The following SEPTIN2 variants were observed in gnomAD, a reference collection of about 807,000 sequenced individuals.
SEPTIN2 encodes the protein septin-2.
In SEPTIN2, 34 loss-of-function variants were observed where a neutral mutation model predicts 46.5. That is an observed-to-expected ratio of 0.73 (90% CI 0.56 to 0.97). The LOEUF is 0.97. Ranked by LOEUF, SEPTIN2 falls within the 50% of genes least tolerant of loss-of-function variation. The pLI, the probability that SEPTIN2 is intolerant of heterozygous loss-of-function variation, is 0.00. For synonymous variants in SEPTIN2, 175 were observed against 153.4 expected, an observed-to-expected ratio of 1.14 and a Z score of -1.04; for missense variants, 347 against 448.4, an observed-to-expected ratio of 0.77 and a Z score of 2.04.
chr2:241,345,564 C>T (rs2081908720), intron 9 of SEPTIN2, among the ~76,000 whole-genome samples: 2 of 152,132 alleles, frequency 1.3e-5, no homozygotes, highest in Non-Finnish European at 1.5e-5. Flanking sequence ...CTCATTCTTG[C>T]CTGCTTTTAA....
At chr2:241,316,190 A>G (rs1350941554) in intron 1 of SEPTIN2, 2 of 293,160 alleles carry the variant, frequency 6.8e-6, no homozygotes, top group African/African-American at 2.2e-5. Context: ...AGTGCCGGCG[A>G]CAGTGGCTCC....
Position 241,352,943 on chromosome 2 carries a change from A to T in SEPTIN2, c.*1006A>T, listed in dbSNP as rs2060888841. 1 of 152,224 alleles carries T rather than the reference A, an allele frequency of 6.6e-6. No homozygotes were observed. The highest frequency in any genetic ancestry group is 2.4e-5 in the African/African-American group (1 of 41,438). The allele number at this position is 152,224 out of a possible 1,614,324, so 9.4% of individuals were successfully genotyped here. ...TAGAAGATCTGCCTCCCCTGTGGAA[A>T]TTGGGGTCTGTTGGTGGGCGTGCCC... is the stretch of plus-strand genomic sequence containing the variant. On this transcript the variant is annotated 3_prime_UTR_variant, in exon 13 of 13. Coordinates refer to ENST00000391971, the MANE Select transcript of SEPTIN2 (RefSeq NM_004404.5).
At chr2:241,316,416 C>T (rs563264163) in intron 1 of SEPTIN2, 25 of 1,124,858 alleles carry the variant, frequency 2.2e-5, no homozygotes, top group Admixed American at 6.5e-5. Context: ...CCATTTCCTC[C>T]CTGAGGCGTG....
At chr2:241,335,540 A>AG (rs1381326324) in intron 4 of SEPTIN2, 4 of 639,222 alleles carry the variant, frequency 6.3e-6, no homozygotes, top group African/African-American at 1.8e-5. Context: ...GAAGATTACT[A>AG]GGATAGATGT....
chr2:241,316,449 C>G (rs1575095195), intron 1 of SEPTIN2: 1 of 1,458,756 alleles, frequency 6.9e-7, no homozygotes, highest in East Asian at 2.7e-5. Flanking sequence ...GCCCCCAAAC[C>G]TCCAAGCCCA....
chr2:241,318,862 TA>T (rs1405912030), intron 1 of SEPTIN2, among the ~76,000 whole-genome samples: 1 of 152,098 alleles, frequency 6.6e-6, no homozygotes, highest in East Asian at 1.9e-4. Flanking sequence ...CACACCTGGC[TA>T]ATTTTTGTAT....
chr2:241,338,826 TATA>T (rs1442878478), intron 7 of SEPTIN2, among the ~76,000 whole-genome samples: 2 of 97,832 alleles, frequency 2.0e-5, no homozygotes, highest in Admixed American at 1.6e-4. Flanking sequence ...ATTATTTATA[TATA>T]ATATATATAA....
chr2:241,354,027 A>G lies in SEPTIN2; in HGVS notation c.*2090A>G, dbSNP rs545916977. On this transcript the variant is annotated 3_prime_UTR_variant, in exon 13 of 13. Coordinates refer to ENST00000391971, the MANE Select transcript of SEPTIN2 (RefSeq NM_004404.5). ...TAAAGCACTATTGTTTAGATATTAA[A>G]TGAGTATTTCTCTTGGTTATTTGCA... is the stretch of plus-strand genomic sequence containing the variant. 6.6e-6 allele frequency: 1 copy of G among 152,372 alleles called. No individual in the cohort carries two copies. The highest frequency in any genetic ancestry group is 2.4e-5 in the African/African-American group (1 of 41,578). 9.4% of individuals were successfully genotyped at this position (152,372 alleles called of 1,614,324 possible).
rs74386932 is a variant in SEPTIN2, at chr2:241,344,562, C to T, written c.842+665C>T. Among the ~76,000 whole-genome samples the T allele has an allele frequency of 6.0e-3, 908 of 151,986 alleles. 9 individuals are homozygous for T. The highest frequency in any genetic ancestry group is 0.02 in the African/African-American group (826 of 41,428). On this transcript the variant is annotated intron_variant, in intron 9 of 12. Transcript: ENST00000391971. ...AAGTGCAAAAAATAAATTAGCCAAG[C>T]GTGGTGGTGCGCACCTGTAATCCCA...
chr2:241,348,031 T>C, intron 10 of SEPTIN2, 103 bp from the exon 11 acceptor site: 1 of 854,194 alleles, frequency 1.2e-6, no homozygotes, highest in Non-Finnish European at 1.9e-6. Flanking sequence ...AAAAGAGAAA[T>C]GATAAATACA....
chr2:241,339,268 C>T (rs889054808), intron 7 of SEPTIN2, among the ~76,000 whole-genome samples: 24 of 151,030 alleles, frequency 1.6e-4, no homozygotes, highest in Non-Finnish European at 3.1e-4. Context: ...TGGCGGGCAT[C>T]TGTAGTCCCA....
At chr2:241,342,134 TG>T (rs780593956) in intron 7 of SEPTIN2, among the ~76,000 whole-genome samples, 2 of 152,230 alleles carry the variant, frequency 1.3e-5, no homozygotes, top group African/African-American at 4.8e-5. Flanking sequence ...TTCCAATTTT[TG>T]TTTCCTTATC....
At chr2:241,323,458 A>G (rs2077450588) in intron 1 of SEPTIN2, among the ~76,000 whole-genome samples, 1 of 151,952 alleles carries the variant, frequency 6.6e-6, no homozygotes, top group South Asian at 2.1e-4. Flanking sequence ...GGGTTTCACC[A>G]TGTTGGCCAG....
intron 3 of SEPTIN2, among the ~76,000 whole-genome samples, chr2:241,328,943 C>G (rs997063677): frequency 2.2e-4 from 33 of 151,520 alleles, no homozygotes; most frequent in Admixed American, 1.2e-3. Context: ...TCACTTGAAC[C>G]CGGGAGGTGG....
At chr2:241,333,055 C>G (rs1210754668) in intron 3 of SEPTIN2, among the ~76,000 whole-genome samples, 1 of 152,146 alleles carries the variant, frequency 6.6e-6, no homozygotes, top group Non-Finnish European at 1.5e-5. Flanking sequence ...TGAGTATCTA[C>G]TTTTGTCAAA....
intron 11 of SEPTIN2, 117 bp downstream of exon 11, chr2:241,348,308 A>C: frequency 3.3e-6 from 2 of 603,882 alleles, no homozygotes; most frequent in Non-Finnish European, 2.8e-6. Context: ...GCTCACTGCA[A>C]CCTCTGCCTC....
chr2:241,322,401 C>G (rs983331841), intron 1 of SEPTIN2, among the ~76,000 whole-genome samples: 2 of 151,756 alleles, frequency 1.3e-5, no homozygotes, highest in South Asian at 4.2e-4. Flanking sequence ...GTCAGGAGAT[C>G]GAGACCATCC....
intron 1 of SEPTIN2, among the ~76,000 whole-genome samples, chr2:241,319,321 A>G (rs2076809174): frequency 6.6e-6 from 1 of 152,260 alleles, no homozygotes; most frequent in African/African-American, 2.4e-5. Context: ...TCATCCAGGC[A>G]GTGGCATTGA....
chr2:241,320,020 A>C (rs1038151161), intron 1 of SEPTIN2, among the ~76,000 whole-genome samples: 1 of 149,004 alleles, frequency 6.7e-6, no homozygotes, highest in African/African-American at 2.4e-5. Context: ...GATGCTTTTG[A>C]TACATTCCTG....
Sources: gnomAD v4.1 joint callset for allele counts (sites outside exome capture counted in the v4.1 genomes callset) on GRCh38, gnomAD v4.1.1 for gene constraint, MANE v1.5 for transcripts, NCBI Gene and HGNC (gene_info 2026-07-23, HGNC 2026-07-21) for gene names.